Variants in MFHAS1 observed in about 807,000 individuals in gnomAD.
The protein encoded by MFHAS1 is malignant fibrous histiocytoma-amplified sequence 1.
In MFHAS1, 50 loss-of-function variants were observed where a neutral mutation model predicts 70.4. The observed-to-expected ratio is 0.71, with a 90% CI of 0.57 to 0.90. The LOEUF (loss-of-function observed/expected upper bound fraction) is 0.90, where lower values mean the gene tolerates loss of function less well. Ranked by LOEUF, MFHAS1 falls within the 40% of genes least tolerant of loss-of-function variation. MFHAS1 has a pLI of 0.00. For missense variants in MFHAS1, 1,795 were observed against 1,347.6 expected, an observed-to-expected ratio of 1.33 and a Z score of -5.20; for synonymous variants, 952 against 620.0, an observed-to-expected ratio of 1.54 and a Z score of -7.96.
chr8:8,791,719 A>G (rs372177804), intron 2 of MFHAS1, among the ~76,000 whole-genome samples: 1 of 152,180 alleles, frequency 6.6e-6, no homozygotes, highest in African/African-American at 2.4e-5. Context: ...CACGGGAAGT[A>G]TAGGTTTGCC....
intron 1 of MFHAS1, among the ~76,000 whole-genome samples, chr8:8,808,055 C>T (rs534836599): frequency 9.2e-5 from 14 of 152,206 alleles, no homozygotes; most frequent in Non-Finnish European, 1.8e-4. Flanking sequence ...GATGAAATCT[C>T]GACCTGTCCA....
chr8:8,786,129 G>C (rs959166434), intron 2 of MFHAS1, 74 bp from the exon 3 acceptor site: 5 of 1,316,204 alleles, frequency 3.8e-6, no homozygotes, highest in Non-Finnish European at 5.5e-6. Flanking sequence ...AATAAGAAAA[G>C]GAAGTGATGA....
Position 8,852,949 on chromosome 8 carries a change from T to C in MFHAS1, c.2998+37112A>G, listed in dbSNP as rs117640571. ...GATTGCATTTCCATAAGAACATTTA[T>C]ACCCGGATGTATTTCAGAGTCCTAC... On this transcript the variant is annotated intron_variant, in intron 1 of 2. Coordinates refer to ENST00000276282, the MANE Select transcript of MFHAS1 (RefSeq NM_004225.3). Among the ~76,000 whole-genome samples the C allele has an allele frequency of 2.6e-5, 4 of 152,298 alleles. 1 individual carries two copies. The East Asian group carries it at 7.7e-4, about 29-fold the overall frequency.
chr8:8,827,728 A>T (rs955906996), intron 1 of MFHAS1, among the ~76,000 whole-genome samples: 1 of 151,974 alleles, frequency 6.6e-6, no homozygotes, highest in Non-Finnish European at 1.5e-5. Flanking sequence ...TCCTCATGAA[A>T]TTTTTCTTTT....
chr8:8,799,272 A>G (rs1157690983), intron 1 of MFHAS1, among the ~76,000 whole-genome samples: 3 of 152,202 alleles, frequency 2.0e-5, no homozygotes, highest in Admixed American at 1.3e-4. Context: ...AAATAGGACA[A>G]TGATAATATA....
rs1449252422 is a variant in MFHAS1, at chr8:8,891,771, T to C, written c.1288A>G (p.Thr430Ala). Residue 430 changes from threonine (T) to alanine (A), a missense_variant, in exon 1 of 3, where the codon ACC (threonine) becomes GCC (alanine). Thr to Ala is a moderately conservative substitution (Grantham distance 58). Transcript: ENST00000276282. The surrounding 1 kb of genome is among the most constrained non-coding windows in gnomAD (Gnocchi z 5.4). ...AGKTLLRHCL[T>A]EERVEGCPGG... ...GGGCATCCCTCCACTCTCTCCTCGGTGAGGCAGTGGCGCAGCAAAGTCTTT... is the reference window on the plus strand; with the variant it reads ...GGGCATCCCTCCACTCTCTCCTCGGCGAGGCAGTGGCGCAGCAAAGTCTTT... 6.2e-7 allele frequency: 1 copy of C among 1,613,360 alleles called. No homozygotes were observed. The highest frequency in any genetic ancestry group is 1.3e-5 in the African/African-American group (1 of 75,040).
In MFHAS1 at chr8:8,783,960, C is replaced by T. The variant is rs751443848; in HGVS notation, c.*2062G>A. ...TAAGACACATGTGACACCAAGGTTTCCTCTGACACTGCTTCTCTAGGGTTC... is the reference window on the plus strand; with the variant it reads ...TAAGACACATGTGACACCAAGGTTTTCTCTGACACTGCTTCTCTAGGGTTC... On this transcript the variant is annotated 3_prime_UTR_variant, in exon 3 of 3. Coordinates refer to ENST00000276282, the MANE Select transcript of MFHAS1 (RefSeq NM_004225.3). The T allele has an allele frequency of 6.6e-6, 1 of 152,128 alleles. No homozygotes were observed. The highest frequency in any genetic ancestry group is 2.4e-5 in the African/African-American group (1 of 41,404). 9.4% of individuals were successfully genotyped at this position (152,128 alleles called of 1,614,324 possible).
chr8:8,806,735 C>A (rs1268643897), intron 1 of MFHAS1, among the ~76,000 whole-genome samples: 1 of 152,118 alleles, frequency 6.6e-6, no homozygotes, highest in East Asian at 1.9e-4. Context: ...CCAAGGCTGG[C>A]AGATCACTTG....
In MFHAS1 at chr8:8,784,243, C is replaced by G. The variant is rs959828242; in HGVS notation, c.*1779G>C. The G allele has an allele frequency of 6.6e-6, 1 of 151,424 alleles. No homozygotes were observed. Among genetic ancestry groups the G allele is most frequent in the African/African-American group, 2.4e-5 (1 of 41,228 alleles). The allele number at this position is 151,424 out of a possible 1,614,324, so 9.4% of individuals were successfully genotyped here. On this transcript the variant is annotated 3_prime_UTR_variant, in exon 3 of 3. Transcript: ENST00000276282. ...TCTTACTTCCCAACTATTCAATGGT[C>G]CAAAAAGCAATTAAATGTGACCATT...
intron 1 of MFHAS1, among the ~76,000 whole-genome samples, chr8:8,878,926 TA>T (rs1312353635): frequency 1.3e-5 from 2 of 152,242 alleles, no homozygotes; most frequent in Non-Finnish European, 2.9e-5. Context: ...CATATATTTT[TA>T]TTATGATGAT....
intron 1 of MFHAS1, among the ~76,000 whole-genome samples, chr8:8,799,806 G>T (rs1292341987): frequency 1.3e-5 from 2 of 152,166 alleles, no homozygotes; most frequent in African/African-American, 2.4e-5. Context: ...CTCATCCCCC[G>T]CAAAGGCCAC....
chr8:8,841,847 G>A (rs1177549262), intron 1 of MFHAS1, among the ~76,000 whole-genome samples: 1 of 152,184 alleles, frequency 6.6e-6, no homozygotes, highest in East Asian at 1.9e-4. Context: ...TTATGTTGCT[G>A]CAGAATTTTA....
chr8:8,875,708 A>G (rs755535691), intron 1 of MFHAS1, among the ~76,000 whole-genome samples: 1 of 152,132 alleles, frequency 6.6e-6, no homozygotes, highest in Non-Finnish European at 1.5e-5. Flanking sequence ...CTCCTGCCTC[A>G]GCCTCCTGAG....
chr8:8,804,767 C>T (rs1202012256), intron 1 of MFHAS1, among the ~76,000 whole-genome samples: 6 of 152,308 alleles, frequency 3.9e-5, no homozygotes, highest in African/African-American at 7.2e-5. Flanking sequence ...CAATGAATAA[C>T]GCCAGGGAAG....
intron 1 of MFHAS1, among the ~76,000 whole-genome samples, chr8:8,844,094 T>C (rs953331236): frequency 1.3e-5 from 2 of 152,220 alleles, no homozygotes; most frequent in Admixed American, 6.5e-5. Flanking sequence ...GAAAGAACTC[T>C]GAAGTCAGCA....
At chr8:8,795,833 G>A (rs17154758) in intron 2 of MFHAS1, among the ~76,000 whole-genome samples, 31,602 of 152,148 alleles carry the variant, frequency 0.21, 3,635 homozygotes, top group African/African-American at 0.29. Context: ...TCCCAAAGGC[G>A]CACTTTCCAA....
rs545561054 is a variant in MFHAS1, at chr8:8,797,346, A to C, written c.3125+19T>G. ...ATCAGGAGCCAGGTCCCGGGGCCAG[A>C]GGGACTTTGAGAACTCACTTGGAAC... On this transcript the variant is annotated intron_variant, in intron 2 of 2. Transcript: ENST00000276282. 6.2e-7 allele frequency: 1 copy of C among 1,612,234 alleles called. No homozygotes were observed. The highest frequency in any genetic ancestry group is 8.5e-7 in the Non-Finnish European group (1 of 1,178,556).
At chr8:8,812,580 T>G (rs1436143364) in intron 1 of MFHAS1, among the ~76,000 whole-genome samples, 1 of 152,178 alleles carries the variant, frequency 6.6e-6, no homozygotes, top group Non-Finnish European at 1.5e-5. Flanking sequence ...TGGAAATCAT[T>G]ACTTCTTATA....
chr8:8,789,556 C>T (rs1805659447), intron 2 of MFHAS1, among the ~76,000 whole-genome samples: 2 of 152,124 alleles, frequency 1.3e-5, no homozygotes, highest in South Asian at 2.1e-4. Context: ...GAAATTATGA[C>T]GCAAGGTACC....
Sources: allele counts gnomAD v4.1 joint callset (sites outside exome capture counted in the v4.1 genomes callset), GRCh38; gene constraint gnomAD v4.1.1; non-coding constraint Gnocchi (gnomAD v3.1); transcripts MANE v1.5; gene names NCBI Gene and HGNC (gene_info 2026-07-23, HGNC 2026-07-21).